Variants in SLC50A1 observed in about 807,000 individuals in gnomAD.
SLC50A1 encodes solute carrier family 50 member 1, also known as sugar transporter SWEET1.
SLC50A1 carries 22 observed loss-of-function variants against 28.9 expected under a neutral mutation model. The ratio of observed to expected loss-of-function variants is 0.76; its 90% CI spans 0.54 to 1.09. The LOEUF (loss-of-function observed/expected upper bound fraction) is 1.09. Among genes scored for constraint, SLC50A1 ranks in the 50% least tolerant of loss-of-function variants. The pLI, the probability that SLC50A1 is intolerant of heterozygous loss-of-function variation, is 0.00. For missense variants in SLC50A1, 233 were observed against 273.4 expected (o/e 0.85, Z 1.04); for synonymous variants, 96 against 110.6 (o/e 0.87, Z 0.83).
At chr1:155,135,681 G>T, upstream of SLC50A1, 1 of 1,550,388 alleles carries the variant, frequency 6.4e-7, no homozygotes, top group Non-Finnish European at 8.7e-7. Flanking sequence ...CATGGAAGAG[G>T]TCTGGACCAG....
At chr1:155,136,150 G>T in intron 1 of SLC50A1, 149 bp from the exon 2 acceptor site, 1 of 510,552 alleles carries the variant, frequency 2.0e-6, no homozygotes, top group Non-Finnish European at 3.3e-6. Context: ...TGGTCACTAG[G>T]CCTGAAGGAG....
chr1:155,136,116 G>A (rs1277072147), intron 1 of SLC50A1, 125 bp downstream of exon 1: 10 of 1,280,896 alleles, frequency 7.8e-6, no homozygotes, highest in African/African-American at 5.9e-5. Flanking sequence ...TCGGGTCGAG[G>A]GGACCGGGGT....
chr1:155,136,045 G>T, intron 1 of SLC50A1, 54 bp downstream of exon 1: 1 of 1,598,648 alleles, frequency 6.3e-7, no homozygotes, highest in Non-Finnish European at 8.5e-7. Context: ...GGAAAGGAGA[G>T]AGAGGGGACA....
upstream of SLC50A1, chr1:155,135,694 T>C (rs2102477179): frequency 6.5e-7 from 1 of 1,549,962 alleles, no homozygotes; most frequent in Admixed American, 2.0e-5. Context: ...TGGACCAGGG[T>C]ACTGGGAAGG....
At chr1:155,136,209 C>G in intron 1 of SLC50A1, 90 bp from the exon 2 acceptor site, 1 of 1,050,818 alleles carries the variant, frequency 9.5e-7, no homozygotes, top group Non-Finnish European at 1.4e-6. Context: ...CTGCGGTGGT[C>G]CGGAAAGGAT....
At chr1:155,135,396 T>C (rs1167669745), upstream of SLC50A1, 2 of 554,776 alleles carry the variant, frequency 3.6e-6, no homozygotes, top group Non-Finnish European at 6.3e-6. Context: ...ATGTGTTATT[T>C]TGAGAAAAAG....
At chr1:155,136,050 G>A (rs1190797492) in intron 1 of SLC50A1, 59 bp downstream of exon 1, 1 of 1,587,938 alleles carries the variant, frequency 6.3e-7, no homozygotes, top group Non-Finnish European at 8.6e-7. Context: ...GGAGAGAGAG[G>A]GGACAGAGAC....
In SLC50A1 at chr1:155,138,091, A is replaced by C; in HGVS notation, c.557A>C (p.Tyr186Ser). ...CLYGFRLRDP[Y>S]IMVSNFPGIV... ...TATGGGTTTCGACTCAGAGATCCCT[A>C]TATCATGGTAAGCACAACTGGGATG... The change falls in exon 5 of 6, where the codon TAT becomes TCT. Residue 186 changes from tyrosine (Y) to serine (S), a missense_variant. Tyr to Ser is a moderately radical substitution (Grantham distance 144, BLOSUM62 -2). Transcript: ENST00000368404. 6.2e-7 allele frequency: 1 copy of C among 1,614,090 alleles called. No homozygotes were observed. The highest frequency in any genetic ancestry group is 8.5e-7 in the Non-Finnish European group (1 of 1,180,002).
chr1:155,135,752 G>GT, upstream of SLC50A1: 1 of 1,549,512 alleles, frequency 6.5e-7, no homozygotes, highest in Non-Finnish European at 8.7e-7. Flanking sequence ...CGGAGGGAGG[G>GT]TGGGGCTTCG....
At chr1:155,136,266 A>ACCCCC in intron 1 of SLC50A1, 33 bp from the exon 2 acceptor site, 79 of 1,203,804 alleles carry the variant, frequency 6.6e-5, no homozygotes, top group Non-Finnish European at 8.5e-5. Context: ...CTCCCTTCCC[A>ACCCCC]CCCCCACCCC....
chr1:155,136,179 G>T, intron 1 of SLC50A1, 120 bp from the exon 2 acceptor site: 2 of 860,000 alleles, frequency 2.3e-6, no homozygotes, highest in Non-Finnish European at 3.6e-6. Flanking sequence ...ATAGCTGGCG[G>T]GGGGGAGAGG....
In SLC50A1 at chr1:155,137,613, A is replaced by G; in HGVS notation, c.335A>G (p.Tyr112Cys). The G allele has an allele frequency of 6.2e-7, 1 of 1,614,164 alleles. No homozygotes were observed. The change falls in exon 4 of 6, where the codon TAT becomes TGT. Residue 112 changes from tyrosine (Y) to cysteine (C), a missense_variant. Tyr to Cys is a radical substitution (Grantham distance 194, BLOSUM62 -2). Coordinates refer to ENST00000368404, the MANE Select transcript of SLC50A1 (RefSeq NM_018845.4). ...ATLLGVLLLG[Y>C]GYFWLLVPNP... is the part of the protein sequence containing the mutation. ...CTGCTAGGGGTCCTTCTCCTGGGTT[A>G]TGGCTACTTTTGGCTCCTGGTACCC...
upstream of SLC50A1, chr1:155,135,713 G>A (rs931848067): frequency 5.2e-6 from 8 of 1,549,772 alleles, no homozygotes; most frequent in South Asian, 1.2e-5. Flanking sequence ...GGCGCTCGGA[G>A]GAGAGGGGCG....
At position 155,137,979 on chromosome 1, in the gene SLC50A1, G is replaced by A. The variant is rs765315023; in HGVS notation, c.445G>A (p.Ala149Thr). ...SMYLSPLADL[A>T]KVIQTKSTQC... ...GAGAGTCTTCCATTCTTTCCCACAG[G>A]CTAAGGTGATTCAAACTAAATCAAC... Residue 149 changes from alanine to threonine, a missense_variant and splice_region_variant, in exon 5 of 6, where the codon GCT (alanine) becomes ACT (threonine). Ala to Thr is a moderately conservative substitution (Grantham distance 58, BLOSUM62 0). Coordinates refer to ENST00000368404, the MANE Select transcript of SLC50A1 (RefSeq NM_018845.4). 3.7e-6 allele frequency: 6 copies of A among 1,614,096 alleles called. No homozygotes were observed. Among genetic ancestry groups the A allele is most frequent in the Non-Finnish European group, 5.1e-6 (6 of 1,180,026 alleles).
intron 3 of SLC50A1, 175 bp downstream of exon 3, chr1:155,137,126 GC>G: frequency 3.6e-6 from 3 of 822,020 alleles, no homozygotes; most frequent in South Asian, 3.6e-5. Context: ...TGAACACATT[GC>G]CCCCATTTAG....
In SLC50A1 at chr1:155,136,902, C is replaced by T. The variant is rs764644756; in HGVS notation, c.233C>T (p.Ala78Val). Residue 78 changes from alanine to valine, a missense_variant, in exon 3 of 6, where the codon GCG becomes GTG. By Grantham distance (64) the Ala-to-Val change is moderately conservative. Transcript: ENST00000368404. ...ILIVVNTVGA[A>V]LQTLYILAYL... ...ATCGTCGTCAACACAGTGGGTGCTGCGCTTCAGACCCTGTATATCTTGGCA... is the reference window on the plus strand; with the variant it reads ...ATCGTCGTCAACACAGTGGGTGCTGTGCTTCAGACCCTGTATATCTTGGCA... 1.9e-6 allele frequency: 3 copies of T among 1,614,198 alleles called. No homozygotes were observed. Among genetic ancestry groups the T allele is most frequent in the South Asian group, 1.1e-5 (1 of 91,080 alleles).
At position 155,136,319 on chromosome 1, in the gene SLC50A1, G is replaced by A. The variant is rs1468193819; in HGVS notation, c.101G>A (p.Arg34Gln). ...TACAGCTCGGACCTCAGGCACATGC[G>A]AATGACCCGGAGTGTGGACAACGTC... ...SAGLSDLRHM[R>Q]MTRSVDNVQF... Residue 34 changes from arginine (R) to glutamine (Q), a missense_variant, in exon 2 of 6, where the codon CGA becomes CAA. Transcript: ENST00000368404. 4.3e-6 allele frequency: 7 copies of A among 1,610,972 alleles called. No individual in the cohort carries two copies. The highest frequency in any genetic ancestry group is 5.9e-6 in the Non-Finnish European group (7 of 1,178,622).
rs901665200 is a variant in SLC50A1 at position 155,137,667 on chromosome 1, G to A, written c.389G>A (p.Gly130Asp). The A allele has an allele frequency of 6.2e-7, 1 of 1,614,190 alleles. No homozygotes were observed. The highest frequency in any genetic ancestry group is 2.2e-5 in the East Asian group (1 of 44,886). ...PNPEARLQQL[G>D]LFCSVFTISM... is the part of the protein sequence containing the mutation. ...CCTGAGGCCCGGCTTCAGCAGTTGG[G>A]CCTCTTCTGCAGTGTCTTCACCATC... Residue 130 changes from glycine to aspartate, a missense_variant, in exon 4 of 6, where the codon GGC becomes GAC. Gly to Asp is a moderately conservative substitution (Grantham distance 94). Transcript: ENST00000368404.
chr1:155,137,772 T>C, intron 4 of SLC50A1, 50 bp downstream of exon 4: 2 of 1,608,030 alleles, frequency 1.2e-6, no homozygotes, highest in East Asian at 2.2e-5. Flanking sequence ...CAGGCTCTCA[T>C]AGCCAAATAC....
Sources: gnomAD v4.1 joint callset for allele counts on GRCh38, gnomAD v4.1.1 for gene constraint, MANE v1.5 for transcripts, NCBI Gene and HGNC (gene_info 2026-07-23, HGNC 2026-07-21) for gene names.